The following FLG2 variants were observed in gnomAD, a reference collection of about 807,000 sequenced individuals.
FLG2 encodes the protein filaggrin-2.
In FLG2, 7 loss-of-function variants were observed where a neutral mutation model predicts 3.9. That is an observed-to-expected ratio of 1.79 (90% CI 1.02 to 3.36). The LOEUF is 3.36. Ranked by LOEUF, FLG2 falls within the 30% of genes most tolerant of loss-of-function variation. The pLI is 0.00. For synonymous variants in FLG2, 1,031 were observed against 1,056.1 expected, an observed-to-expected ratio of 0.98 and a Z score of 0.46; for missense variants, 2,700 against 2,809.4, an observed-to-expected ratio of 0.96 and a Z score of 0.88.
chr1:152,352,048 G>A lies in FLG2; in HGVS notation c.5738C>T (p.Ser1913Phe), dbSNP rs1274513469. The change falls in exon 3 of 3, where the codon TCC (serine) becomes TTC (phenylalanine). Residue 1913 changes from serine to phenylalanine, a missense_variant. Coordinates refer to ENST00000388718, the MANE Select transcript of FLG2 (RefSeq NM_001014342.3). ...AGTTTGGTGTCTCTTGTGAACTGTG[G>A]ATTCTGACTCTCCATGTTGAGACCT... ...QARSQHGESE[S>F]TVHKRHQTTH... The A allele has an allele frequency of 6.2e-7, 1 of 1,613,460 alleles. No individual in the cohort carries two copies. The highest frequency in any genetic ancestry group is 8.5e-7 in the Non-Finnish European group (1 of 1,179,908).
chr1:152,358,840 G>T lies in FLG2; in HGVS notation c.45C>A (p.Phe15Leu), dbSNP rs749823748. 14 of 1,613,832 alleles carry T rather than the reference G, an allele frequency of 8.7e-6. No individual in the cohort carries two copies. The highest frequency in any genetic ancestry group is 1.2e-5 in the Non-Finnish European group (14 of 1,179,896). ...CCCCATCTTGCTTGGTGTATTTGTA[G>T]AAAACATCAATTACGGTGACAACAC... ...LRSVVTVIDV[F>L]YKYTKQDGEC... The change falls in exon 2 of 3, where the codon TTC (phenylalanine) becomes TTA (leucine). Residue 15 changes from phenylalanine (F) to leucine (L), a missense_variant. Coordinates refer to ENST00000388718, the MANE Select transcript of FLG2 (RefSeq NM_001014342.3).
rs1654386717 is a variant in FLG2, at chr1:152,359,957, T to A, written c.-24A>T. The A allele has an allele frequency of 6.6e-6, 1 of 152,388 alleles. No individual in the cohort carries two copies. The highest frequency in any genetic ancestry group is 2.1e-4 in the South Asian group (1 of 4,826). The allele number at this position is 152,388 out of a possible 1,614,324, so 9.4% of individuals were successfully genotyped here. ...GTAGCTGGATGAATTTTCTCTCACC[T>A]GGTTCACCAAAGGAACAAGTAGGAT... On this transcript the variant is annotated splice_region_variant and 5_prime_UTR_variant, in exon 1 of 3. Transcript: ENST00000388718.
chr1:152,356,721 A>G lies in FLG2; in HGVS notation c.1065T>C (p.Tyr355=). 12 of 1,614,208 alleles carry G rather than the reference A, an allele frequency of 7.4e-6. No homozygotes were observed. The highest frequency in any genetic ancestry group is 1.6e-4 in the Middle Eastern group (1 of 6,062). ...PCSQSYSQRG[Y]GARENGQPQN... ...GTGGTTGACCATTTTCTCTAGCTCC[A>G]TATCCTCTCTGACTATAGGACTGAC... The change falls in exon 3 of 3, where the codon TAT becomes TAC. Residue 355 remains tyrosine (Y), a synonymous_variant. Coordinates refer to ENST00000388718, the MANE Select transcript of FLG2 (RefSeq NM_001014342.3).
Position 152,351,392 on chromosome 1 carries a change from G to T in FLG2, c.6394C>A (p.Gln2132Lys). ...SGHTYGQARS[Q>K]HGESGSAIHG... ...ATGGCAGATCCTGACTCTCCATGTTGAGATCTGGCTTGGCCATAAGTGTGT... is the reference window on the plus strand; with the variant it reads ...ATGGCAGATCCTGACTCTCCATGTTTAGATCTGGCTTGGCCATAAGTGTGT... Residue 2132 changes from glutamine to lysine, a missense_variant, in exon 3 of 3, where the codon CAA becomes AAA. Transcript: ENST00000388718. The T allele has an allele frequency of 6.2e-7, 1 of 1,613,532 alleles. No homozygotes were observed. Among genetic ancestry groups the T allele is most frequent in the East Asian group, 2.2e-5 (1 of 44,790 alleles).
rs1654009058 is a variant in FLG2, at chr1:152,352,844, T to C, written c.4942A>G (p.Arg1648Gly). Residue 1648 changes from arginine to glycine, a missense_variant, in exon 3 of 3, where the codon AGA (arginine) becomes GGA (glycine). Arg to Gly is a moderately radical substitution (Grantham distance 125). Transcript: ENST00000388718. ...GACTCACTGTGGCTAGATCTCTGTC[T>C]TCCAGTTGTCCTGGACCCTCTCTGT... ...STQRGSRTTG[R>G]QRSSHSESSD... 2 of 1,613,638 alleles carry C rather than the reference T, an allele frequency of 1.2e-6. No homozygotes were observed. The highest frequency in any genetic ancestry group is 2.7e-5 in the African/African-American group (2 of 74,758).
rs1464577289 is a variant in FLG2, at chr1:152,353,550, T to C, written c.4236A>G (p.Arg1412=). 1.2e-6 allele frequency: 2 copies of C among 1,614,084 alleles called. No individual in the cohort carries two copies. Among genetic ancestry groups the C allele is most frequent in the Non-Finnish European group, 8.5e-7 (1 of 1,180,012 alleles). Residue 1412 remains arginine, a synonymous_variant, in exon 3 of 3, where the codon AGA becomes AGG. Transcript: ENST00000388718. The part of the protein sequence containing the change: ...GHSGHGQSTQ[R]GSRTTGRRGS... ...CCCTTCTTCCAGTTGTCCTGGACCC[T>C]CTCTGTGTGGACTGTCCATGACCAG...
Position 152,350,477 on chromosome 1 carries a change from T to C in FLG2, c.*133A>G. 1 of 1,173,760 alleles carries C rather than the reference T, an allele frequency of 8.5e-7. No individual in the cohort carries two copies. The highest frequency in any genetic ancestry group is 2.5e-5 in the East Asian group (1 of 39,338). 72.7% of individuals were successfully genotyped at this position (1,173,760 alleles called of 1,614,324 possible). ...TGACTAGATTCCTGACTTCTTATAA[T>C]AATAGGTCGAGACTGATACTGAGAA... On this transcript the variant is annotated 3_prime_UTR_variant, in exon 3 of 3. Coordinates refer to ENST00000388718, the MANE Select transcript of FLG2 (RefSeq NM_001014342.3).
chr1:152,357,254 G>T lies in FLG2; in HGVS notation c.532C>A (p.Gln178Lys). 1 of 1,614,148 alleles carries T rather than the reference G, an allele frequency of 6.2e-7. No individual in the cohort carries two copies. Among genetic ancestry groups the T allele is most frequent in the East Asian group, 2.2e-5 (1 of 44,884 alleles). ...LSSSGNQEGSQKRYHRSSCGH... is the reference protein window; with the variant it reads ...LSSSGNQEGSKKRYHRSSCGH... ...CAGCTGGACCTGTGGTATCTTTTCT[G>T]AGATCCCTCTTGGTTCCCAGAGCTG... Residue 178 changes from glutamine to lysine, a missense_variant, in exon 3 of 3, where the codon CAG (glutamine) becomes AAG (lysine). By Grantham distance (53) the Gln-to-Lys change is moderately conservative. Coordinates refer to ENST00000388718, the MANE Select transcript of FLG2 (RefSeq NM_001014342.3).
At position 152,353,212 on chromosome 1, in the gene FLG2, C is replaced by T; in HGVS notation, c.4574G>A (p.Ser1525Asn). 3 of 1,605,168 alleles carry T rather than the reference C, an allele frequency of 1.9e-6. No individual in the cohort carries two copies. The highest frequency in any genetic ancestry group is 4.5e-5 in the East Asian group (2 of 44,052). ...TTCTGACTCTCCATGTTGAGATCCA[C>T]TTTGGCCGTGAGTGTGTCCTGAATG... ...HTHSGHTHGQ[S>N]GSQHGESESI... The change falls in exon 3 of 3, where the codon AGT becomes AAT. Residue 1525 changes from serine to asparagine, a missense_variant. Coordinates refer to ENST00000388718, the MANE Select transcript of FLG2 (RefSeq NM_001014342.3).
Position 152,351,017 on chromosome 1 carries a change from C to T in FLG2, c.6769G>A (p.Glu2257Lys), listed in dbSNP as rs1312807456. Residue 2257 changes from glutamate (E) to lysine (K), a missense_variant, in exon 3 of 3, where the codon GAG (glutamate) becomes AAG (lysine). Coordinates refer to ENST00000388718, the MANE Select transcript of FLG2 (RefSeq NM_001014342.3). ...TTGRRGSGHS[E>K]SSDSEVHSWG... ...GAGTGCACTTCACTGTCACTGGACT[C>T]ACTGTGGCCAGATCCCCTTCTTCCA... 6.2e-7 allele frequency: 1 copy of T among 1,612,878 alleles called. No homozygotes were observed. The highest frequency in any genetic ancestry group is 1.3e-5 in the African/African-American group (1 of 74,500).
Position 152,353,480 on chromosome 1 carries a change from C to T in FLG2, c.4306G>A (p.Gly1436Ser). 2 of 1,613,308 alleles carry T rather than the reference C, an allele frequency of 1.2e-6. No homozygotes were observed. Among genetic ancestry groups the T allele is most frequent in the Non-Finnish European group, 1.7e-6 (2 of 1,179,848 alleles). ...ESSDSEVHSGGSHRPQSQEQT... is the reference protein window; with the variant it reads ...ESSDSEVHSGSSHRPQSQEQT... ...TCTTGTGATTGTGGTCTGTGTGAGC[C>T]CCCTGAGTGCACTTCACTGTCACTG... is the stretch of plus-strand genomic sequence containing the variant. Residue 1436 changes from glycine to serine, a missense_variant, in exon 3 of 3, where the codon GGC (glycine) becomes AGC (serine). Physicochemically the swap from Gly to Ser is moderately conservative, Grantham distance 56 (BLOSUM62 0). Transcript: ENST00000388718.
rs778379502 is a variant in FLG2, at chr1:152,352,539, A to C, written c.5247T>G (p.His1749Gln). 6.2e-7 allele frequency: 1 copy of C among 1,607,308 alleles called. No individual in the cohort carries two copies. The highest frequency in any genetic ancestry group is 8.5e-7 in the Non-Finnish European group (1 of 1,178,008). The change falls in exon 3 of 3, where the codon CAT becomes CAG. Residue 1749 changes from histidine to glutamine, a missense_variant. Coordinates refer to ENST00000388718, the MANE Select transcript of FLG2 (RefSeq NM_001014342.3). The stretch of plus-strand genomic sequence containing the variant: ...CTCCATGTTGAGATCTGGCTTGGCC[A>C]TGAGTGTGTCCTGAATGTGTATGTG... ...GVSHTHSGHT[H>Q]GQARSQHGES... is the part of the protein sequence containing the mutation.
chr1:152,358,438 T>A (rs925102431), intron 2 of FLG2, among the ~76,000 whole-genome samples: 4 of 152,196 alleles, frequency 2.6e-5, no homozygotes, highest in African/African-American at 4.8e-5. Context: ...TTTTTCCATT[T>A]GATAGGATAA....
Position 152,353,511 on chromosome 1 carries a change from A to G in FLG2, c.4275T>C (p.Ser1425=), listed in dbSNP as rs752623472. 1 of 1,613,406 alleles carries G rather than the reference A, an allele frequency of 6.2e-7. No homozygotes were observed. The highest frequency in any genetic ancestry group is 8.5e-7 in the Non-Finnish European group (1 of 1,179,866). Reference sequence around the variant, plus strand: ...AGTGCACTTCACTGTCACTGGACTCACTATGGCCAGATCCCCTTCTTCCAG... The same window carrying G: ...AGTGCACTTCACTGTCACTGGACTCGCTATGGCCAGATCCCCTTCTTCCAG... ...RTTGRRGSGH[S]ESSDSEVHSG... The change falls in exon 3 of 3, where the codon AGT becomes AGC. Residue 1425 remains serine, a synonymous_variant. Coordinates refer to ENST00000388718, the MANE Select transcript of FLG2 (RefSeq NM_001014342.3).
chr1:152,355,219 G>A lies in FLG2; in HGVS notation c.2567C>T (p.Ser856Phe). 6.2e-7 allele frequency: 1 copy of A among 1,610,554 alleles called. No homozygotes were observed. Among genetic ancestry groups the A allele is most frequent in the African/African-American group, 1.3e-5 (1 of 74,744 alleles). Residue 856 changes from serine to phenylalanine, a missense_variant, in exon 3 of 3, where the codon TCT becomes TTT. Ser to Phe is a radical substitution (Grantham distance 155). Coordinates refer to ENST00000388718, the MANE Select transcript of FLG2 (RefSeq NM_001014342.3). The part of the protein sequence containing the change: ...GQHGSGSSQS[S>F]GYGQHGSSSG... ...ACTTGACCCATGTTGACCATAGCCA[G>A]ATGATTGACTTGAGCCAGAACCATG...
chr1:152,354,895 T>C lies in FLG2; in HGVS notation c.2891A>G (p.His964Arg), dbSNP rs768075297. 1.2e-5 allele frequency: 19 copies of C among 1,613,920 alleles called. No individual in the cohort carries two copies. Among genetic ancestry groups the C allele is most frequent in the Non-Finnish European group, 1.4e-5 (17 of 1,179,972 alleles). ...GSGQSSGFGQ[H>R]GSGSGQSSGF... Reference sequence around the variant, plus strand: ...AGAGGACTGACCTGAGCCTGATCCATGTTGGCCAAAGCCAGAGGATTGACC... The same window carrying C: ...AGAGGACTGACCTGAGCCTGATCCACGTTGGCCAAAGCCAGAGGATTGACC... Residue 964 changes from histidine (H) to arginine (R), a missense_variant, in exon 3 of 3, where the codon CAT (histidine) becomes CGT (arginine). Transcript: ENST00000388718.
At position 152,352,694 on chromosome 1, in the gene FLG2, G is replaced by C. The variant is rs1330115228; in HGVS notation, c.5092C>G (p.Gln1698Glu). ...GCATGTCTAGTGGTATCTCCTGTCT[G>C]TCCATGAGTAGTTCCATGTCTCTCA... is the stretch of plus-strand genomic sequence containing the variant. ...VPERHGTTHG[Q>E]TGDTTRHAHY... The change falls in exon 3 of 3, where the codon CAG becomes GAG. Residue 1698 changes from glutamine (Q) to glutamate (E), a missense_variant. Physicochemically the swap from Gln to Glu is conservative, Grantham distance 29. Transcript: ENST00000388718. 2 of 1,613,748 alleles carry C rather than the reference G, an allele frequency of 1.2e-6. No individual in the cohort carries two copies. Among genetic ancestry groups the C allele is most frequent in the Non-Finnish European group, 1.7e-6 (2 of 1,179,962 alleles).
Position 152,350,710 on chromosome 1 carries a change from G to C in FLG2, c.7076C>G (p.Thr2359Ser). ...YGPAEYDYGH[T>S]GYGPSGGSRK... ...GCTGCCACCAGAAGGCCCATACCCA[G>C]TGTGCCCATAGTCATATTCTGCAGG... is the stretch of plus-strand genomic sequence containing the variant. The change falls in exon 3 of 3, where the codon ACT (threonine) becomes AGT (serine). Residue 2359 changes from threonine (T) to serine (S), a missense_variant. Physicochemically the swap from Thr to Ser is moderately conservative, Grantham distance 58. Transcript: ENST00000388718. 6.2e-7 allele frequency: 1 copy of C among 1,614,204 alleles called. No individual in the cohort carries two copies.
At position 152,350,655 on chromosome 1, in the gene FLG2, T is replaced by A. The variant is rs543262920; in HGVS notation, c.7131A>T (p.Ser2377=). Residue 2377 remains serine (S), a synonymous_variant, in exon 3 of 3, where the codon TCA becomes TCT. Coordinates refer to ENST00000388718, the MANE Select transcript of FLG2 (RefSeq NM_001014342.3). Reference sequence around the variant, plus strand: ...TGTTTGCAGTGCTGTCTGTTGACCATGAAAGGTGAGAATTACTGATGCTTT... The same window carrying A: ...TGTTTGCAGTGCTGTCTGTTGACCAAGAAAGGTGAGAATTACTGATGCTTT... ...SRKSISNSHL[S]WSTDSTANKQ... is the part of the protein sequence containing the mutation. 8.7e-6 allele frequency: 14 copies of A among 1,614,162 alleles called. No homozygotes were observed. In the South Asian group the frequency reaches 1.2e-4, roughly 14 times the overall value.
Sources: gnomAD v4.1 joint callset for allele counts (sites outside exome capture counted in the v4.1 genomes callset) on GRCh38, gnomAD v4.1.1 for gene constraint, MANE v1.5 for transcripts, NCBI Gene and HGNC (gene_info 2026-07-23, HGNC 2026-07-21) for gene names.